The following TAFA1 variants were observed in gnomAD, a reference collection of about 807,000 sequenced individuals.
TAFA1 encodes the protein chemokine-like protein TAFA-1.
Under a neutral mutation model 18.5 loss-of-function variants are expected in TAFA1, and 4 were observed. The ratio of observed to expected loss-of-function variants is 0.22; its 90% CI spans 0.11 to 0.49. TAFA1 has a LOEUF of 0.49. Ranked by LOEUF, TAFA1 falls within the 20% of genes least tolerant of loss-of-function variation. The probability of loss-of-function intolerance (pLI) is 0.98; values close to 1 mark genes in which losing one functional copy is unlikely to be tolerated. For synonymous variants in TAFA1, 56 were observed against 55.2 expected, an observed-to-expected ratio of 1.01 and a Z score of -0.06; for missense variants, 147 against 169.0, an observed-to-expected ratio of 0.87 and a Z score of 0.72.
chr3:68,310,873 G>C (rs1014235498), intron 2 of TAFA1, among the ~76,000 whole-genome samples: 3 of 151,888 alleles, frequency 2.0e-5, no homozygotes, highest in African/African-American at 7.3e-5. Context: ...TTTTAGTGCT[G>C]TCAAGTGTTT....
In TAFA1 at chr3:68,486,202, AG is replaced by A. The variant is rs1192890455; in HGVS notation, c.260-52553del. On this transcript the variant is annotated intron_variant, in intron 3 of 4. Coordinates refer to ENST00000478136, the MANE Select transcript of TAFA1 (RefSeq NM_213609.4). ...GGCTGATCTCAAACTTCTGGGCTCA[AG>A]CCATCCTCAGCCTCCCAAAGTGCTG... Among the ~76,000 whole-genome samples the A allele has an allele frequency of 3.3e-5, 5 of 151,490 alleles. No individual in the cohort carries two copies. The East Asian group carries it at 9.7e-4, about 29-fold the overall frequency.
chr3:68,537,320 A>G (rs2073292282), intron 3 of TAFA1, among the ~76,000 whole-genome samples: 1 of 152,208 alleles, frequency 6.6e-6, no homozygotes, highest in African/African-American at 2.4e-5. Context: ...AGGGAGAATC[A>G]CAGTGATTAC....
At chr3:68,148,310 C>T (rs992244675) in intron 2 of TAFA1, among the ~76,000 whole-genome samples, 2 of 152,160 alleles carry the variant, frequency 1.3e-5, no homozygotes, top group Non-Finnish European at 2.9e-5. Context: ...TGCAAGAAGC[C>T]TTATGTATTT....
chr3:68,381,041 G>A (rs1446861336), intron 2 of TAFA1, among the ~76,000 whole-genome samples: 1 of 123,662 alleles, frequency 8.1e-6, no homozygotes, highest in African/African-American at 3.1e-5. Context: ...TTTCCCCATT[G>A]CTTGTTTTTG....
intron 2 of TAFA1, among the ~76,000 whole-genome samples, chr3:68,125,733 G>T (rs1455957030): frequency 1.3e-5 from 2 of 152,150 alleles, no homozygotes; most frequent in Non-Finnish European, 1.5e-5. Context: ...GCTGTGGTGG[G>T]CAGTGCTGTG....
At chr3:67,994,684 G>C in the TAFA1 span, among the ~76,000 whole-genome samples, 1 of 152,164 alleles carries the variant, frequency 6.6e-6, no homozygotes, top group Non-Finnish European at 1.5e-5. Flanking sequence ...GAAAATATCA[G>C]TTAATGACTC....
chr3:67,998,244 C>T, the TAFA1 span, among the ~76,000 whole-genome samples: 5 of 152,160 alleles, frequency 3.3e-5, no homozygotes, highest in African/African-American at 7.2e-5. Flanking sequence ...CATATGAATA[C>T]GTTATTTTAT....
Position 68,353,406 on chromosome 3 carries a change from T to C in TAFA1, c.119-63874T>C, listed in dbSNP as rs148219233. On this transcript the variant is annotated intron_variant, in intron 2 of 4. Coordinates refer to ENST00000478136, the MANE Select transcript of TAFA1 (RefSeq NM_213609.4). ...AGGTGATTCTCACCTTATCGGTTTA[T>C]GTTCAGCTGCACAAGGACATCATGT... is the stretch of plus-strand genomic sequence containing the variant. Among the ~76,000 whole-genome samples the C allele has an allele frequency of 8.5e-5, 13 of 152,236 alleles. No individual in the cohort carries two copies. In the East Asian group the frequency reaches 2.5e-3, roughly 29 times the overall value.
chr3:68,340,629 A>G (rs2069064068), intron 2 of TAFA1, among the ~76,000 whole-genome samples: 1 of 151,796 alleles, frequency 6.6e-6, no homozygotes, highest in Non-Finnish European at 1.5e-5. Flanking sequence ...TTCTATGGAT[A>G]TTTCCTTGAA....
chr3:68,421,499 G>A lies in TAFA1; in HGVS notation c.259+4079G>A, dbSNP rs1007997642. Among the ~76,000 whole-genome samples, 8 of 152,086 alleles carry A rather than the reference G, an allele frequency of 5.3e-5. 1 individual carries two copies. In the South Asian group the frequency reaches 1.7e-3, roughly 31 times the overall value. On this transcript the variant is annotated intron_variant, in intron 3 of 4. Transcript: ENST00000478136. The stretch of plus-strand genomic sequence containing the variant: ...AGTATAGTTATTCACATCATGGAGT[G>A]AGAAATTTCATATACCTGGATGGAA...
chr3:68,495,829 A>G (rs2072536077), intron 3 of TAFA1, among the ~76,000 whole-genome samples: 1 of 152,130 alleles, frequency 6.6e-6, no homozygotes, highest in Non-Finnish European at 1.5e-5. Context: ...AGGAATTTAC[A>G]TGAAAGCAAG....
rs186090114 is a variant in TAFA1 at position 68,254,746 on chromosome 3, G to T, written c.119-162534G>T. 1.3e-3 allele frequency among the ~76,000 whole-genome samples: 195 copies of T among 152,166 alleles called. 3 individuals are homozygous for T. The highest frequency in any genetic ancestry group is 4.3e-4 in the Non-Finnish European group (29 of 67,960). On this transcript the variant is annotated intron_variant, in intron 2 of 4. Transcript: ENST00000478136. ...AATTAAGTCCCAGTTCTCTGAAAGT[G>T]ACCTTCTAGGATGTTCATGTCTGAC...
intron 2 of TAFA1, among the ~76,000 whole-genome samples, chr3:68,046,935 A>T (rs2064395989): frequency 6.6e-6 from 1 of 152,168 alleles, no homozygotes; most frequent in South Asian, 2.1e-4. Flanking sequence ...TTGATTTTTT[A>T]AAAAACCAAG....
At chr3:68,127,715 T>A (rs2065484509) in intron 2 of TAFA1, among the ~76,000 whole-genome samples, 1 of 59,504 alleles carries the variant, frequency 1.7e-5, no homozygotes, top group Non-Finnish European at 3.6e-5. Context: ...GTGATGCTGA[T>A]GGCAGTGGTG....
intron 3 of TAFA1, among the ~76,000 whole-genome samples, chr3:68,444,771 A>AAT (rs55684696): frequency 0.013 from 1,589 of 126,918 alleles, 11 homozygotes; most frequent in Non-Finnish European, 0.015. Flanking sequence ...GTTTCTACAA[A>AAT]ATATATATAT....
intron 2 of TAFA1, among the ~76,000 whole-genome samples, chr3:68,026,397 C>G (rs986015268): frequency 6.6e-6 from 1 of 151,366 alleles, no homozygotes; most frequent in Non-Finnish European, 1.5e-5. Context: ...ATCCAAATGG[C>G]AAGTTACTAT....
rs569581603 is a variant in TAFA1 at position 68,074,549 on chromosome 3, G to C, written c.118+67805G>C. Among the ~76,000 whole-genome samples, 7 of 152,226 alleles carry C rather than the reference G, an allele frequency of 4.6e-5. No individual in the cohort carries two copies. The South Asian group carries it at 1.2e-3, about 27-fold the overall frequency. On this transcript the variant is annotated intron_variant, in intron 2 of 4. Transcript: ENST00000478136. ...GAAAACAAAAATGCCTACAGCAAAG[G>C]GATATGATGACACTAAAATGAAAAA...
At chr3:68,310,611 TA>T (rs2068498915) in intron 2 of TAFA1, among the ~76,000 whole-genome samples, 1 of 152,140 alleles carries the variant, frequency 6.6e-6, no homozygotes, top group South Asian at 2.1e-4. Context: ...ACTTGAATCT[TA>T]AAGGTGATAT....
At chr3:68,141,936 C>T (rs532197951) in intron 2 of TAFA1, among the ~76,000 whole-genome samples, 1 of 152,330 alleles carries the variant, frequency 6.6e-6, no homozygotes, top group East Asian at 1.9e-4. Flanking sequence ...TATCCCCATT[C>T]TAAGATGTTC....
Sources: allele counts gnomAD v4.1 joint callset (sites outside exome capture counted in the v4.1 genomes callset), GRCh38; gene constraint gnomAD v4.1.1; transcripts MANE v1.5; gene names NCBI Gene and HGNC (gene_info 2026-07-23, HGNC 2026-07-21).